The following ANKRD50 variants were observed in gnomAD, a reference collection of about 807,000 sequenced individuals.
ANKRD50 encodes ankyrin repeat domain 50, also known as ankyrin repeat domain-containing protein 50.
In ANKRD50, 40 loss-of-function variants were observed where a neutral mutation model predicts 112.0. The observed-to-expected ratio is 0.36, with a 90% CI of 0.28 to 0.46. The LOEUF (loss-of-function observed/expected upper bound fraction) is 0.46, where lower values mean the gene tolerates loss of function less well. Among genes scored for constraint, ANKRD50 ranks in the 20% least tolerant of loss-of-function variants. ANKRD50 has a pLI of 1.00. For missense variants in ANKRD50, 1,487 were observed against 1,701.7 expected (o/e 0.87, Z 2.22); for synonymous variants, 613 against 619.1 (o/e 0.99, Z 0.15).
chr4:124,703,438 T>C lies in ANKRD50; in HGVS notation c.512+6562A>G, dbSNP rs992273041. Among the ~76,000 whole-genome samples, 4 of 152,130 alleles carry C rather than the reference T, an allele frequency of 2.6e-5. 1 individual carries two copies. The highest frequency in any genetic ancestry group is 4.4e-5 in the Non-Finnish European group (3 of 68,006). On this transcript the variant is annotated intron_variant, in intron 2 of 4. Transcript: ENST00000504087. ...AGCAAATTCTGGGAGTGATAAAAAA[T>C]GCAGCATTTTTTTCAGAGGAATAGA...
chr4:124,703,669 T>G (rs963076914), intron 2 of ANKRD50, among the ~76,000 whole-genome samples: 6 of 123,072 alleles, frequency 4.9e-5, no homozygotes, highest in Non-Finnish European at 8.6e-5. Flanking sequence ...AATTTCCAGG[T>G]TTTTTTTTTT....
chr4:124,690,410 G>A (rs945327678), intron 2 of ANKRD50, among the ~76,000 whole-genome samples: 1 of 152,184 alleles, frequency 6.6e-6, no homozygotes, highest in African/African-American at 2.4e-5. Context: ...GCTAACCTTT[G>A]AGGAGAGGGA....
chr4:124,709,935 C>T lies in ANKRD50; in HGVS notation c.512+65G>A, dbSNP rs965930898. The T allele has an allele frequency of 2.0e-6, 3 of 1,534,138 alleles. No homozygotes were observed. The African/African-American group carries it at 4.2e-5, about 21-fold the overall frequency. On this transcript the variant is annotated intron_variant, in intron 2 of 4. Transcript: ENST00000504087. Reference sequence around the variant, plus strand: ...TAACCCACAAAGTTAAAACAAAAAACTACAACTAAAAATTAATTTAATTTC... The same window carrying T: ...TAACCCACAAAGTTAAAACAAAAAATTACAACTAAAAATTAATTTAATTTC...
At chr4:124,673,215 T>A in intron 3 of ANKRD50, among the ~76,000 whole-genome samples, 1 of 152,114 alleles carries the variant, frequency 6.6e-6, no homozygotes, top group East Asian at 1.9e-4. Context: ...TAGCTATAGC[T>A]ATTTTAAACT....
Position 124,665,757 on chromosome 4 carries a change from T to C in ANKRD50, c.*1761A>G, listed in dbSNP as rs1730474122. 1 of 152,414 alleles carries C rather than the reference T, an allele frequency of 6.6e-6. No individual in the cohort carries two copies. Among genetic ancestry groups the C allele is most frequent in the South Asian group, 2.1e-4 (1 of 4,832 alleles). The allele number at this position is 152,414 out of a possible 1,614,324, so 9.4% of individuals were successfully genotyped here. ...TATTGCCATGTCACCTTAATATCAATTGAACTTATCAACTTATCTCGTAGT... is the reference window on the plus strand; with the variant it reads ...TATTGCCATGTCACCTTAATATCAACTGAACTTATCAACTTATCTCGTAGT... On this transcript the variant is annotated 3_prime_UTR_variant, in exon 5 of 5. Transcript: ENST00000504087.
At chr4:124,677,699 T>C (rs1724747601) in intron 3 of ANKRD50, among the ~76,000 whole-genome samples, 1 of 151,950 alleles carries the variant, frequency 6.6e-6, no homozygotes, top group South Asian at 2.1e-4. Context: ...TAAAGTCACA[T>C]GGCTAGTGAG....
At chr4:124,707,990 A>G (rs1165229068) in intron 2 of ANKRD50, among the ~76,000 whole-genome samples, 1 of 152,184 alleles carries the variant, frequency 6.6e-6, no homozygotes, top group Non-Finnish European at 1.5e-5. Context: ...AAATTTACAT[A>G]TGAATTTCAA....
chr4:124,670,227 T>A lies in ANKRD50; in HGVS notation c.3050A>T (p.Gln1017Leu), dbSNP rs764738403. The A allele has an allele frequency of 6.2e-7, 1 of 1,613,822 alleles. No individual in the cohort carries two copies. The change falls in exon 4 of 5, where the codon CAG (glutamine) becomes CTG (leucine). Residue 1017 changes from glutamine to leucine, a missense_variant. Physicochemically the swap from Gln to Leu is moderately radical, Grantham distance 113 (BLOSUM62 -2). This residue lies in a region of ANKRD50 where 1,046 missense variants were observed against 1,269.5 expected (regional missense o/e 0.82). Transcript: ENST00000504087. Reference sequence around the variant, plus strand: ...TACATGGCCCTGCCAGGCTGCAGACTGCAAAGCAGAGCGCTTTTCATTGTC... The same window carrying A: ...TACATGGCCCTGCCAGGCTGCAGACAGCAAAGCAGAGCGCTTTTCATTGTC... ...AADNEKRSAL[Q>L]SAAWQGHVKV... is the part of the protein sequence containing the mutation.
chr4:124,690,923 G>C (rs571521971), intron 2 of ANKRD50, among the ~76,000 whole-genome samples: 1 of 152,232 alleles, frequency 6.6e-6, no homozygotes, highest in East Asian at 1.9e-4. Context: ...TACATTGTCT[G>C]ACTCACTTAT....
At chr4:124,705,113 C>A (rs1262299041) in intron 2 of ANKRD50, among the ~76,000 whole-genome samples, 1 of 151,798 alleles carries the variant, frequency 6.6e-6, no homozygotes, top group East Asian at 1.9e-4. Flanking sequence ...AACAAACAAA[C>A]AAACAAAAAA....
chr4:124,693,111 A>G (rs1725173011), intron 2 of ANKRD50, among the ~76,000 whole-genome samples: 1 of 152,210 alleles, frequency 6.6e-6, no homozygotes. Flanking sequence ...TTCTGAAAAT[A>G]TCAAAGAGTA....
chr4:124,668,921 G>A (rs1730560411), intron 4 of ANKRD50, 63 bp downstream of exon 4: 6 of 1,445,980 alleles, frequency 4.1e-6, no homozygotes, highest in Non-Finnish European at 5.6e-6. Flanking sequence ...TCAAGGAAAA[G>A]AGCATTCCAA....
chr4:124,686,379 G>A (rs1439201458), intron 2 of ANKRD50, among the ~76,000 whole-genome samples: 1 of 152,110 alleles, frequency 6.6e-6, no homozygotes, highest in African/African-American at 2.4e-5. Flanking sequence ...TGGAGCCCCT[G>A]GGGCCACTGA....
At chr4:124,691,659 A>G (rs1381052498) in intron 2 of ANKRD50, among the ~76,000 whole-genome samples, 1 of 152,150 alleles carries the variant, frequency 6.6e-6, no homozygotes, top group African/African-American at 2.4e-5. Flanking sequence ...TCTAAACAGT[A>G]CACTTAAAAC....
chr4:124,672,358 C>G lies in ANKRD50; in HGVS notation c.919G>C (p.Glu307Gln). The G allele has an allele frequency of 6.2e-7, 1 of 1,613,204 alleles. No individual in the cohort carries two copies. The highest frequency in any genetic ancestry group is 2.2e-5 in the East Asian group (1 of 44,846). ...IKSSGCFLYL[E>Q]RVLDGVVENF... ...TCTACAACTCCATCTAAAACTCGTT[C>G]TAGGTAAAGAAAGCATCCACTGCTT... The change falls in exon 4 of 5, where the codon GAA becomes CAA. Residue 307 changes from glutamate to glutamine, a missense_variant. By Grantham distance (29) the Glu-to-Gln change is conservative. This residue lies in a region of ANKRD50 where 1,046 missense variants were observed against 1,269.5 expected (regional missense o/e 0.82). Transcript: ENST00000504087.
chr4:124,683,904 C>CTT lies in ANKRD50; in HGVS notation c.513-5001_513-5000dup, dbSNP rs5861676. On this transcript the variant is annotated intron_variant, in intron 2 of 4. Coordinates refer to ENST00000504087, the MANE Select transcript of ANKRD50 (RefSeq NM_020337.3). Reference sequence around the variant, plus strand: ...ACTTTTATATAGATAATACATCAGTCTTTTTTTTTTTTTTTCCATTTATAG... The same window carrying CTT: ...ACTTTTATATAGATAATACATCAGTCTTTTTTTTTTTTTTTTTCCATTTATAG... Among the ~76,000 whole-genome samples, 1,113 of 111,704 alleles carry CTT rather than the reference C, an allele frequency of 1.0e-2. 23 individuals carry two copies. Among genetic ancestry groups the CTT allele is most frequent in the East Asian group, 0.051 (191 of 3,770 alleles). The allele number at this position is 111,704 out of a possible 152,430, so 73.3% of individuals were successfully genotyped here.
At chr4:124,712,038 G>T (rs372573436) in intron 1 of ANKRD50, among the ~76,000 whole-genome samples, 1 of 152,026 alleles carries the variant, frequency 6.6e-6, no homozygotes, top group Non-Finnish European at 1.5e-5. Context: ...TCCCAGCGCC[G>T]GGCACCACCT....
chr4:124,687,336 A>G (rs566358644), intron 2 of ANKRD50, among the ~76,000 whole-genome samples: 3 of 152,302 alleles, frequency 2.0e-5, no homozygotes, highest in South Asian at 2.1e-4. Flanking sequence ...CCCAAATGCA[A>G]AAAAGACGAA....
chr4:124,694,103 G>A (rs538050849), intron 2 of ANKRD50, among the ~76,000 whole-genome samples: 1 of 151,986 alleles, frequency 6.6e-6, no homozygotes. Context: ...AAAGCAAGTG[G>A]AACAGGAAAA....
Sources: allele counts gnomAD v4.1 joint callset (sites outside exome capture counted in the v4.1 genomes callset), GRCh38; gene constraint gnomAD v4.1.1; regional missense constraint gnomAD v4.1.1; transcripts MANE v1.5; gene names NCBI Gene and HGNC (gene_info 2026-07-23, HGNC 2026-07-21).